Variants in ST8SIA1 observed in about 807,000 individuals in gnomAD.
ST8SIA1 encodes the protein ST8 alpha-N-acetyl-neuraminide alpha-2,8-sialyltransferase 1, also known as alpha-N-acetylneuraminide alpha-2,8-sialyltransferase.
Under a neutral mutation model 35.9 loss-of-function variants are expected in ST8SIA1, and 16 were observed. The observed-to-expected ratio is 0.45, with a 90% CI of 0.30 to 0.68. The LOEUF (loss-of-function observed/expected upper bound fraction) is 0.68, where lower values mean the gene tolerates loss of function less well. ST8SIA1 is among the 30% of genes least tolerant of loss of function. ST8SIA1 has a pLI of 0.09. For synonymous variants in ST8SIA1, 170 were observed against 169.6 expected, an observed-to-expected ratio of 1.00 and a Z score of -0.02; for missense variants, 383 against 453.6, an observed-to-expected ratio of 0.84 and a Z score of 1.41.
chr12:22,309,015 A>G (rs193148923), intron 1 of ST8SIA1, among the ~76,000 whole-genome samples: 3 of 152,250 alleles, frequency 2.0e-5, no homozygotes, highest in Admixed American at 6.5e-5. Context: ...AAGAAAACTA[A>G]TATCTCTAAA....
chr12:22,266,763 T>C lies in ST8SIA1; in HGVS notation c.382-11374A>G, dbSNP rs140698886. Among the ~76,000 whole-genome samples the C allele has an allele frequency of 4.5e-3, 677 of 151,926 alleles. 6 individuals are homozygous for C. Among genetic ancestry groups the C allele is most frequent in the African/African-American group, 0.016 (656 of 41,428 alleles). On this transcript the variant is annotated intron_variant, in intron 2 of 4. Transcript: ENST00000396037. Reference sequence around the variant, plus strand: ...AGTGAGCTATGATTGTGCCACTGCATTGCAGCCTGGGTGACCGAGTGAGAC... The same window carrying C: ...AGTGAGCTATGATTGTGCCACTGCACTGCAGCCTGGGTGACCGAGTGAGAC...
chr12:22,223,793 T>A (rs575786917), intron 4 of ST8SIA1: 2 of 1,252,094 alleles, frequency 1.6e-6, no homozygotes, highest in African/African-American at 3.1e-5. Flanking sequence ...AACCCATTTA[T>A]GCTTAGGCTA....
intron 4 of ST8SIA1, among the ~76,000 whole-genome samples, chr12:22,225,948 T>C (rs1865352219): frequency 6.6e-6 from 1 of 152,170 alleles, no homozygotes; most frequent in African/African-American, 2.4e-5. Context: ...ACACTAAACA[T>C]GAAGGCTTTC....
At chr12:22,331,112 G>A (rs1866758172) in intron 1 of ST8SIA1, among the ~76,000 whole-genome samples, 2 of 152,266 alleles carry the variant, frequency 1.3e-5, no homozygotes, top group African/African-American at 4.8e-5. Flanking sequence ...TACTGAGCTA[G>A]AAGAAGAAAA....
At chr12:22,264,211 G>A (rs1865822113) in intron 2 of ST8SIA1, among the ~76,000 whole-genome samples, 4 of 151,770 alleles carry the variant, frequency 2.6e-5, no homozygotes, top group Admixed American at 2.6e-4. Context: ...ACATCATTCA[G>A]CCTCCCACCT....
At chr12:22,278,101 T>C (rs531481466) in intron 2 of ST8SIA1, among the ~76,000 whole-genome samples, 118 of 152,324 alleles carry the variant, frequency 7.7e-4, no homozygotes, top group Non-Finnish European at 1.4e-3. Context: ...CATAGAATCA[T>C]GAAAATTTCA....
At chr12:22,215,015 C>A (rs1015031056) in intron 4 of ST8SIA1, among the ~76,000 whole-genome samples, 1 of 152,130 alleles carries the variant, frequency 6.6e-6, no homozygotes, top group Admixed American at 6.6e-5. Flanking sequence ...GAAGACATAG[C>A]CCTCCTGTCC....
At chr12:22,270,533 T>G (rs932086414) in intron 2 of ST8SIA1, among the ~76,000 whole-genome samples, 1 of 152,236 alleles carries the variant, frequency 6.6e-6, no homozygotes, top group African/African-American at 2.4e-5. Flanking sequence ...ATTTCCAATT[T>G]AAAATTAAAA....
intron 2 of ST8SIA1, among the ~76,000 whole-genome samples, chr12:22,280,463 G>A (rs1415721615): frequency 1.3e-5 from 2 of 152,098 alleles, no homozygotes; most frequent in African/African-American, 2.4e-5. Flanking sequence ...GTGGTAATTG[G>A]TGTCATGAAT....
chr12:22,328,309 T>C (rs1400189446), intron 1 of ST8SIA1, among the ~76,000 whole-genome samples: 5 of 152,160 alleles, frequency 3.3e-5, no homozygotes, highest in Admixed American at 3.3e-4. Flanking sequence ...TAAACATTCA[T>C]TCACATGATA....
At chr12:22,239,695 T>G (rs1255876190) in intron 4 of ST8SIA1, among the ~76,000 whole-genome samples, 1 of 152,240 alleles carries the variant, frequency 6.6e-6, no homozygotes, top group East Asian at 1.9e-4. Flanking sequence ...ATTGATGGCT[T>G]GTGTGCATTT....
chr12:22,198,499 G>C lies in ST8SIA1; in HGVS notation c.*3053C>G, dbSNP rs1488409420. ...CTTAGGAACACATAGCACAGTTAAG[G>C]ATAGAGATGCCTAACTTCATGCTAC... is the stretch of plus-strand genomic sequence containing the variant. On this transcript the variant is annotated 3_prime_UTR_variant, in exon 5 of 5. Transcript: ENST00000396037. The C allele has an allele frequency of 6.8e-6, 1 of 147,226 alleles. No homozygotes were observed. The highest frequency in any genetic ancestry group is 2.1e-4 in the East Asian group (1 of 4,872). The allele number at this position is 147,226 out of a possible 1,614,324, so 9.1% of individuals were successfully genotyped here.
chr12:22,298,916 A>AT (rs531270706), intron 1 of ST8SIA1, among the ~76,000 whole-genome samples: 87 of 151,984 alleles, frequency 5.7e-4, no homozygotes, highest in Middle Eastern at 3.4e-3. Context: ...AAAAGTAGAG[A>AT]TTTTTTTTTA....
In ST8SIA1 at chr12:22,257,261, G is replaced by T. The variant is rs561564766; in HGVS notation, c.382-1872C>A. Among the ~76,000 whole-genome samples the T allele has an allele frequency of 2.1e-3, 319 of 152,134 alleles. 3 individuals are homozygous for T. The highest frequency in any genetic ancestry group is 7.1e-3 in the African/African-American group (293 of 41,492). On this transcript the variant is annotated intron_variant, in intron 2 of 4. Coordinates refer to ENST00000396037, the MANE Select transcript of ST8SIA1 (RefSeq NM_003034.4). ...CAGTCTCGCTTAGTCACCCAGGCTG[G>T]AGTACAGTGGCATGATCTCGGCTCA...
chr12:22,215,522 G>C (rs563320276), intron 4 of ST8SIA1, among the ~76,000 whole-genome samples: 1 of 152,332 alleles, frequency 6.6e-6, no homozygotes, highest in African/African-American at 2.4e-5. Flanking sequence ...AGAAAAGACA[G>C]AGTGAGAGTG....
chr12:22,259,406 C>T (rs976523121), intron 2 of ST8SIA1, among the ~76,000 whole-genome samples: 2 of 151,976 alleles, frequency 1.3e-5, no homozygotes, highest in African/African-American at 2.4e-5. Context: ...CGTCAATGAA[C>T]AATAACAGCA....
intron 1 of ST8SIA1, among the ~76,000 whole-genome samples, chr12:22,299,049 T>G (rs554253176): frequency 2.7e-5 from 4 of 150,484 alleles, no homozygotes; most frequent in African/African-American, 9.8e-5. Flanking sequence ...CGAAATGGAG[T>G]TTTTTTTTCA....
intron 3 of ST8SIA1, among the ~76,000 whole-genome samples, chr12:22,253,641 T>C (rs569920934): frequency 2.6e-5 from 4 of 152,310 alleles, no homozygotes; most frequent in African/African-American, 9.6e-5. Flanking sequence ...TCAAGGCCCA[T>C]ATGTCATGGG....
At chr12:22,241,182 G>T (rs1259746941) in intron 4 of ST8SIA1, among the ~76,000 whole-genome samples, 1 of 151,926 alleles carries the variant, frequency 6.6e-6, no homozygotes, top group Non-Finnish European at 1.5e-5. Context: ...TTTCTGTAGA[G>T]AACATTTTGT....
Sources: gnomAD v4.1 joint callset for allele counts (sites outside exome capture counted in the v4.1 genomes callset) on GRCh38, gnomAD v4.1.1 for gene constraint, MANE v1.5 for transcripts, NCBI Gene and HGNC (gene_info 2026-07-23, HGNC 2026-07-21) for gene names.